The following ZMYM2 variants were observed in gnomAD, a reference collection of about 807,000 sequenced individuals.
ZMYM2 encodes the protein zinc finger MYM-type protein 2.
In ZMYM2, 56 loss-of-function variants were observed where a neutral mutation model predicts 162.8. The ratio of observed to expected loss-of-function variants is 0.34; its 90% CI spans 0.28 to 0.43. The LOEUF is 0.43. Among genes scored for constraint, ZMYM2 ranks in the 20% least tolerant of loss-of-function variants. ZMYM2 has a pLI of 1.00. For missense variants in ZMYM2, 1,275 were observed against 1,621.8 expected, an observed-to-expected ratio of 0.79 and a Z score of 3.67; for synonymous variants, 510 against 541.6, an observed-to-expected ratio of 0.94 and a Z score of 0.81.
At chr13:19,974,197 C>T (rs1240435917) in intron 2 of ZMYM2, among the ~76,000 whole-genome samples, 1 of 152,204 alleles carries the variant, frequency 6.6e-6, no homozygotes, top group African/African-American at 2.4e-5. Flanking sequence ...CTACACAATT[C>T]TCTTCCCTAG....
chr13:19,864,699 G>C, the ZMYM2 span: 13 of 152,388 alleles, frequency 8.5e-5, no homozygotes, highest in African/African-American at 3.1e-4. Flanking sequence ...CGGAATGGTT[G>C]ATGGAGACTC....
intron 3 of ZMYM2, among the ~76,000 whole-genome samples, chr13:20,000,276 T>C (rs150861726): frequency 3.9e-5 from 6 of 152,276 alleles, no homozygotes; most frequent in African/African-American, 1.4e-4. Flanking sequence ...CTAGTAAAGG[T>C]TGGTTCATGA....
chr13:19,925,150 CTG>C, the ZMYM2 span, among the ~76,000 whole-genome samples: 1 of 152,178 alleles, frequency 6.6e-6, no homozygotes, highest in African/African-American at 2.4e-5. Flanking sequence ...TCCCAAAGTG[CTG>C]GGATTACAGG....
chr13:19,895,101 A>C, the ZMYM2 span, among the ~76,000 whole-genome samples: 2 of 151,112 alleles, frequency 1.3e-5, no homozygotes, highest in African/African-American at 4.9e-5. Flanking sequence ...AAAAAAAGAA[A>C]ATTAACATAT....
chr13:19,914,297 T>A, the ZMYM2 span, among the ~76,000 whole-genome samples: 3 of 152,228 alleles, frequency 2.0e-5, no homozygotes, highest in African/African-American at 7.2e-5. Context: ...TGGATAAGAT[T>A]ACTCATTCTG....
At chr13:19,902,381 C>G in the ZMYM2 span, among the ~76,000 whole-genome samples, 4 of 152,228 alleles carry the variant, frequency 2.6e-5, no homozygotes, top group African/African-American at 9.6e-5. Flanking sequence ...CTTTGGGAGG[C>G]CAAGGTGGGC....
At chr13:19,924,557 A>G in the ZMYM2 span, among the ~76,000 whole-genome samples, 1 of 152,154 alleles carries the variant, frequency 6.6e-6, no homozygotes, top group African/African-American at 2.4e-5. Flanking sequence ...TCTCCAAAAA[A>G]AGGGTTTGTC....
chr13:20,060,996 T>A, intron 16 of ZMYM2, 57 bp from the exon 17 acceptor site: 2 of 1,514,274 alleles, frequency 1.3e-6, no homozygotes, highest in African/African-American at 2.8e-5. Flanking sequence ...ATTTTTAATT[T>A]GGAAAAATAC....
chr13:19,900,947 T>C, the ZMYM2 span, among the ~76,000 whole-genome samples: 3 of 152,100 alleles, frequency 2.0e-5, no homozygotes, highest in Admixed American at 6.6e-5. Context: ...CATGGATTTC[T>C]TGAATGTGAT....
intron 3 of ZMYM2, among the ~76,000 whole-genome samples, chr13:20,000,743 T>C (rs763468287): frequency 6.6e-6 from 1 of 152,224 alleles, no homozygotes; most frequent in Non-Finnish European, 1.5e-5. Context: ...TGAGTGTTGT[T>C]TTCATACCTG....
At chr13:20,079,788 GT>G (rs1369760328) in intron 21 of ZMYM2, among the ~76,000 whole-genome samples, 1 of 152,152 alleles carries the variant, frequency 6.6e-6, no homozygotes, top group Non-Finnish European at 1.5e-5. Context: ...TGGGAACTTA[GT>G]TTTTGGTTTA....
At chr13:20,077,918 C>T (rs1380507658) in intron 21 of ZMYM2, among the ~76,000 whole-genome samples, 2 of 150,186 alleles carry the variant, frequency 1.3e-5, no homozygotes, top group Admixed American at 6.7e-5. Flanking sequence ...TCTGGGTTCA[C>T]GCCATTCTCC....
intron 11 of ZMYM2, among the ~76,000 whole-genome samples, chr13:20,035,865 G>A (rs1396922970): frequency 6.6e-6 from 1 of 152,064 alleles, no homozygotes; most frequent in Non-Finnish European, 1.5e-5. Flanking sequence ...GCTAATAAAG[G>A]TAAATTTTAA....
intron 10 of ZMYM2, 36 bp from the exon 11 acceptor site, chr13:20,034,218 G>C (rs768196699): frequency 2.1e-6 from 1 of 485,836 alleles, no homozygotes. Flanking sequence ...TAAGCTTGTC[G>C]TCATATACTT....
chr13:19,865,324 G>A, the ZMYM2 span, among the ~76,000 whole-genome samples: 4 of 152,230 alleles, frequency 2.6e-5, no homozygotes, highest in Non-Finnish European at 4.4e-5. Context: ...GTCCTGGGCC[G>A]CATGCAACCC....
the ZMYM2 span, among the ~76,000 whole-genome samples, chr13:19,884,864 G>A: frequency 6.6e-6 from 1 of 152,018 alleles, no homozygotes; most frequent in African/African-American, 2.4e-5. Flanking sequence ...ACAATTGCGG[G>A]TGCGGGTGGC....
chr13:20,063,802 T>C (rs557186535), intron 18 of ZMYM2, among the ~76,000 whole-genome samples: 4 of 11,124 alleles, frequency 3.6e-4, no homozygotes, highest in Non-Finnish European at 5.3e-4. Flanking sequence ...ATATAAAAAA[T>C]ATATAATATA....
intron 14 of ZMYM2, among the ~76,000 whole-genome samples, chr13:20,055,615 T>A (rs575334188): frequency 1.3e-5 from 2 of 152,188 alleles, no homozygotes; most frequent in Non-Finnish European, 2.9e-5. Flanking sequence ...CATTTAGGCA[T>A]GAAGTTATAA....
chr13:19,898,447 A>C, the ZMYM2 span, among the ~76,000 whole-genome samples: 16 of 152,080 alleles, frequency 1.1e-4, 1 homozygote, highest in African/African-American at 2.4e-4. Flanking sequence ...GTTAGCCAGG[A>C]TGGTCTCGAT....
Sources: allele counts gnomAD v4.1 joint callset (sites outside exome capture counted in the v4.1 genomes callset), GRCh38; gene constraint gnomAD v4.1.1; transcripts MANE v1.5; gene names NCBI Gene and HGNC (gene_info 2026-07-23, HGNC 2026-07-21).